Variants in TCF20 observed in about 807,000 individuals in gnomAD.
TCF20 encodes the protein SPRE-binding protein.
A neutral mutation model predicts 148.6 loss-of-function variants in TCF20; 3 were observed. The ratio of observed to expected loss-of-function variants is 0.02; its 90% CI spans 0.01 to 0.05. The LOEUF (loss-of-function observed/expected upper bound fraction) is 0.05, where lower values mean the gene tolerates loss of function less well. Among genes scored for constraint, TCF20 ranks in the 10% least tolerant of loss-of-function variants. The pLI is 1.00. For synonymous variants in TCF20, 1,049 were observed against 909.5 expected, an observed-to-expected ratio of 1.15 and a Z score of -2.76; for missense variants, 2,350 against 2,429.3, an observed-to-expected ratio of 0.97 and a Z score of 0.69.
intron 2 of TCF20, among the ~76,000 whole-genome samples, chr22:42,197,655 C>A (rs558617337): frequency 6.6e-6 from 1 of 152,250 alleles, no homozygotes; most frequent in East Asian, 1.9e-4. Context: ...TCTACTAATG[C>A]CTAATTTAGG....
At chr22:42,289,454 T>G (rs1927093436) in intron 1 of TCF20, among the ~76,000 whole-genome samples, 1 of 152,238 alleles carries the variant, frequency 6.6e-6, no homozygotes, top group Non-Finnish European at 1.5e-5. Flanking sequence ...GAGCCACTCC[T>G]GGCTGTGCAA....
intron 5 of TCF20, among the ~76,000 whole-genome samples, chr22:42,162,002 A>C (rs1387948793): frequency 4.2e-5 from 1 of 23,558 alleles, no homozygotes; most frequent in African/African-American, 2.2e-4. Context: ...TTTTTTTTTG[A>C]GACAGTCTTG....
intron 2 of TCF20, 138 bp downstream of exon 2, chr22:42,209,513 T>C (rs1393153876): frequency 9.7e-7 from 1 of 1,026,918 alleles, no homozygotes; most frequent in Non-Finnish European, 1.4e-6. Context: ...ATTACCTATT[T>C]CATTTTCTGT....
intron 2 of TCF20, among the ~76,000 whole-genome samples, chr22:42,208,221 A>C (rs1938521222): frequency 6.6e-6 from 1 of 152,188 alleles, no homozygotes; most frequent in Non-Finnish European, 1.5e-5. Flanking sequence ...AAAAAGCAAG[A>C]GAAACGATTA....
In TCF20 at chr22:42,209,757, T is replaced by C. The variant is rs780958269; in HGVS notation, c.5549A>G (p.Asn1850Ser). Reference protein sequence around the residue: ...LQIPELPLDSNEFWVHEGCIL... With the variant: ...LQIPELPLDSSEFWVHEGCIL... ...ACAACCCTCATGGACCCAAAATTCA[T>C]TGCTGTCAAGAGGTAGTTCAGGGAT... The change falls in exon 2 of 6, where the codon AAT becomes AGT. Residue 1850 changes from asparagine to serine, a missense_variant. Around this residue, in one of 7 missense-constraint regions of TCF20, gnomAD observed 374 missense variants for 398.3 expected, o/e 0.94. Transcript: ENST00000677622. 1.4e-5 allele frequency: 23 copies of C among 1,614,064 alleles called. No homozygotes were observed. The highest frequency in any genetic ancestry group is 1.6e-4 in the Middle Eastern group (1 of 6,084).
At position 42,160,158 on chromosome 22, in the gene TCF20, A is replaced by G. The variant is rs1433364448; in HGVS notation, c.*1245T>C. The G allele has an allele frequency of 2.6e-5, 4 of 152,766 alleles. No homozygotes were observed. Among genetic ancestry groups the G allele is most frequent in the South Asian group, 4.1e-4 (2 of 4,822 alleles). 9.5% of individuals were successfully genotyped at this position (152,766 alleles called of 1,614,324 possible). On this transcript the variant is annotated 3_prime_UTR_variant, in exon 6 of 6. Coordinates refer to ENST00000677622, the MANE Select transcript of TCF20 (RefSeq NM_001378418.1). ...GATGCACTAACCCCTTCTTAAGGCC[A>G]TAACAAGATTTTTTTGTACTTTTTT...
At chr22:42,262,850 C>T (rs1037326177) in intron 1 of TCF20, among the ~76,000 whole-genome samples, 1 of 152,128 alleles carries the variant, frequency 6.6e-6, no homozygotes. Flanking sequence ...TTTGATAACC[C>T]TATTTAATTG....
At chr22:42,342,826 A>G (rs559626280) in intron 1 of TCF20, among the ~76,000 whole-genome samples, 1 of 152,236 alleles carries the variant, frequency 6.6e-6, no homozygotes, top group South Asian at 2.1e-4. Context: ...GGTCTCATCT[A>G]ATCCCCTCGG....
intron 3 of TCF20, among the ~76,000 whole-genome samples, chr22:42,172,669 G>A (rs1404429494): frequency 2.0e-5 from 3 of 152,202 alleles, no homozygotes. Context: ...ATACCCACAT[G>A]CATCCACATG....
chr22:42,255,380 T>C (rs561747093), intron 1 of TCF20, among the ~76,000 whole-genome samples: 1 of 151,844 alleles, frequency 6.6e-6, no homozygotes, highest in African/African-American at 2.4e-5. Context: ...TCCCAGCTAG[T>C]TGGGAGGCTA....
chr22:42,305,782 C>A (rs1368148994), intron 1 of TCF20, among the ~76,000 whole-genome samples: 1 of 152,086 alleles, frequency 6.6e-6, no homozygotes, highest in East Asian at 1.9e-4. Flanking sequence ...GCTGGGAGAT[C>A]CCTGGACCTC....
chr22:42,333,432 C>T (rs187640678), intron 1 of TCF20, among the ~76,000 whole-genome samples: 101 of 151,950 alleles, frequency 6.6e-4, no homozygotes, highest in African/African-American at 2.4e-3. Flanking sequence ...CTTTAGAGGA[C>T]GGTGCACCAG....
chr22:42,163,099 G>C (rs1274885464), intron 5 of TCF20, among the ~76,000 whole-genome samples: 2 of 152,320 alleles, frequency 1.3e-5, no homozygotes, highest in East Asian at 1.9e-4. Context: ...CTCAAGGAGG[G>C]GACAGGGCAG....
rs752829178 is a variant in TCF20, at chr22:42,211,273, G to A, written c.4033C>T (p.Arg1345Trp). Reference sequence around the variant, plus strand: ...TCCAATTTCAATCCCCGTCCTTTCCGTGGGGGCAGTATTTTGGTCTTAGCA... The same window carrying A: ...TCCAATTTCAATCCCCGTCCTTTCCATGGGGGCAGTATTTTGGTCTTAGCA... ...SPAKTKILPP[R>W]KGRGLKLEAI... The change falls in exon 2 of 6, where the codon CGG (arginine) becomes TGG (tryptophan). Residue 1345 changes from arginine (R) to tryptophan (W), a missense_variant. Arg to Trp is a moderately radical substitution (Grantham distance 101). Transcript: ENST00000677622. 1.2e-6 allele frequency: 2 copies of A among 1,613,974 alleles called. No homozygotes were observed. Among genetic ancestry groups the A allele is most frequent in the African/African-American group, 1.3e-5 (1 of 74,874 alleles).
At chr22:42,249,497 CAA>C (rs1462024484) in intron 1 of TCF20, among the ~76,000 whole-genome samples, 2 of 152,102 alleles carry the variant, frequency 1.3e-5, no homozygotes, top group Admixed American at 6.5e-5. Flanking sequence ...TCTTCCCTCG[CAA>C]AAAGGCTCTG....
chr22:42,232,603 G>A (rs1418345663), intron 1 of TCF20, among the ~76,000 whole-genome samples: 11 of 152,052 alleles, frequency 7.2e-5, no homozygotes, highest in South Asian at 2.1e-4. Context: ...CGAGGCGGGC[G>A]GATCACGAGG....
chr22:42,233,062 A>T (rs1478549632), intron 1 of TCF20, among the ~76,000 whole-genome samples: 1 of 152,054 alleles, frequency 6.6e-6, no homozygotes, highest in Admixed American at 6.6e-5. Context: ...CTGAGATTAC[A>T]GGCTTGTGCC....
chr22:42,193,647 T>C (rs1937452564), intron 2 of TCF20, among the ~76,000 whole-genome samples: 1 of 152,152 alleles, frequency 6.6e-6, no homozygotes, highest in African/African-American at 2.4e-5. Context: ...AAGTGTCTAT[T>C]GTTAGGACAG....
At chr22:42,163,960 G>A (rs528315494) in intron 5 of TCF20, among the ~76,000 whole-genome samples, 38 of 152,116 alleles carry the variant, frequency 2.5e-4, no homozygotes, top group Non-Finnish European at 3.8e-4. Flanking sequence ...AACCCGGGAC[G>A]CCATCCTCGC....
Sources: gnomAD v4.1 joint callset for allele counts (sites outside exome capture counted in the v4.1 genomes callset) on GRCh38, gnomAD v4.1.1 for gene constraint, gnomAD v4.1.1 regional missense constraint, MANE v1.5 for transcripts, NCBI Gene and HGNC (gene_info 2026-07-23, HGNC 2026-07-21) for gene names.